The following CDH13 variants were observed in gnomAD, a reference collection of about 807,000 sequenced individuals.
CDH13 encodes the protein cadherin-13.
CDH13 carries 24 observed loss-of-function variants against 63.8 expected under a neutral mutation model. The ratio of observed to expected loss-of-function variants is 0.38; its 90% CI spans 0.27 to 0.53. The LOEUF (loss-of-function observed/expected upper bound fraction) is 0.53, where lower values mean the gene tolerates loss of function less well. Ranked by LOEUF, CDH13 falls within the 20% of genes least tolerant of loss-of-function variation. The probability of loss-of-function intolerance (pLI) is 0.85; values close to 1 mark genes in which losing one functional copy is unlikely to be tolerated. For missense variants in CDH13, 1,049 were observed against 903.1 expected, an observed-to-expected ratio of 1.16 and a Z score of -2.07; for synonymous variants, 503 against 355.3, an observed-to-expected ratio of 1.42 and a Z score of -4.67.
At chr16:83,585,665 C>G (rs762847030) in intron 7 of CDH13, among the ~76,000 whole-genome samples, 6 of 151,440 alleles carry the variant, frequency 4.0e-5, no homozygotes, top group Non-Finnish European at 8.8e-5. Flanking sequence ...GCAGGATATC[C>G]AAGAAGAAGG....
In CDH13 at chr16:83,772,228, T is replaced by G. The variant is rs573951914; in HGVS notation, c.1682-7740T>G. On this transcript the variant is annotated intron_variant, in intron 11 of 13. Coordinates refer to ENST00000567109, the MANE Select transcript of CDH13 (RefSeq NM_001257.5). The stretch of plus-strand genomic sequence containing the variant: ...GAGCCATACTTCAGGAATGGAGAAA[T>G]GAAGAAAAATCTATACTGGCTAAAG... Among the ~76,000 whole-genome samples, 6 of 122,214 alleles carry G rather than the reference T, an allele frequency of 4.9e-5. No individual in the cohort carries two copies. The South Asian group carries it at 1.7e-3, about 34-fold the overall frequency. 80.2% of individuals were successfully genotyped at this position (122,214 alleles called of 152,430 possible).
chr16:83,086,921 G>T (rs1451601114), intron 3 of CDH13, among the ~76,000 whole-genome samples: 1 of 152,076 alleles, frequency 6.6e-6, no homozygotes, highest in Non-Finnish European at 1.5e-5. Context: ...AATTATAATG[G>T]CCAAAACTAC....
chr16:83,280,154 C>G (rs757591929), intron 5 of CDH13, among the ~76,000 whole-genome samples: 4 of 152,162 alleles, frequency 2.6e-5, no homozygotes, highest in Non-Finnish European at 4.4e-5. Flanking sequence ...AAATCTTTCT[C>G]TGTAGCATGT....
chr16:83,001,143 A>G (rs1276493337), intron 2 of CDH13, among the ~76,000 whole-genome samples: 1 of 152,246 alleles, frequency 6.6e-6, no homozygotes, highest in East Asian at 1.9e-4. Context: ...AAGTCCCTTG[A>G]AGAAAAAGAT....
intron 5 of CDH13, among the ~76,000 whole-genome samples, chr16:83,338,534 A>G (rs952959692): frequency 2.6e-5 from 4 of 152,256 alleles, no homozygotes; most frequent in East Asian, 1.9e-4. Flanking sequence ...GTAGACGTAA[A>G]TTGAATTATC....
At chr16:82,633,070 T>G (rs1199401054) in intron 1 of CDH13, among the ~76,000 whole-genome samples, 1 of 152,174 alleles carries the variant, frequency 6.6e-6, no homozygotes, top group Non-Finnish European at 1.5e-5. Context: ...ATGAAGCTTT[T>G]GCTTGCTCAC....
chr16:83,520,116 T>C (rs2074794980), intron 7 of CDH13, among the ~76,000 whole-genome samples: 1 of 152,138 alleles, frequency 6.6e-6, no homozygotes, highest in Non-Finnish European at 1.5e-5. Context: ...AGTCTTGCAA[T>C]GTTTTTCAAA....
chr16:83,590,642 A>G (rs139538779), intron 7 of CDH13, among the ~76,000 whole-genome samples: 3 of 152,362 alleles, frequency 2.0e-5, no homozygotes, highest in Non-Finnish European at 2.9e-5. Flanking sequence ...TTGGAAAACT[A>G]TGATTTTCAT....
At chr16:82,697,983 T>C (rs1309057377) in intron 1 of CDH13, among the ~76,000 whole-genome samples, 4 of 152,098 alleles carry the variant, frequency 2.6e-5, no homozygotes, top group Admixed American at 2.6e-4. Context: ...CTTGAGGATA[T>C]GGCTGCATGT....
intron 5 of CDH13, among the ~76,000 whole-genome samples, chr16:83,249,519 A>G (rs13330436): frequency 7.2e-5 from 11 of 152,296 alleles, no homozygotes; most frequent in African/African-American, 2.2e-4. Flanking sequence ...GATTTATCTC[A>G]TTTAATCCCA....
intron 1 of CDH13, among the ~76,000 whole-genome samples, chr16:82,807,646 T>C (rs1597655056): frequency 6.6e-6 from 1 of 152,330 alleles, no homozygotes; most frequent in East Asian, 1.9e-4. Context: ...GGTTCAGGGA[T>C]AATAACCCTT....
At chr16:83,580,557 T>G (rs1246232873) in intron 7 of CDH13, among the ~76,000 whole-genome samples, 1 of 148,458 alleles carries the variant, frequency 6.7e-6, no homozygotes, top group Non-Finnish European at 1.5e-5. Flanking sequence ...TGCAGTGGTA[T>G]GATCTGAGTT....
chr16:83,649,330 T>G (rs968622827), intron 8 of CDH13, among the ~76,000 whole-genome samples: 1 of 152,232 alleles, frequency 6.6e-6, no homozygotes, highest in Non-Finnish European at 1.5e-5. Context: ...AAATTTACAG[T>G]GCTTATTTTT....
intron 4 of CDH13, among the ~76,000 whole-genome samples, chr16:83,149,633 G>C (rs774125373): frequency 5.9e-5 from 9 of 152,114 alleles, no homozygotes; most frequent in Non-Finnish European, 1.2e-4. Flanking sequence ...AAAACAGTGG[G>C]AATAATGAAG....
chr16:83,171,013 G>C (rs74515971), intron 4 of CDH13, among the ~76,000 whole-genome samples: 17,806 of 151,984 alleles, frequency 0.12, 2,435 homozygotes, highest in African/African-American at 0.33. Flanking sequence ...TTTGAGGGAA[G>C]CTGTATTAGG....
chr16:83,248,902 T>A (rs1905221696), intron 5 of CDH13, among the ~76,000 whole-genome samples: 2 of 152,224 alleles, frequency 1.3e-5, no homozygotes, highest in East Asian at 1.9e-4. Context: ...GATCTTCCCC[T>A]TGGTGCATAT....
intron 7 of CDH13, among the ~76,000 whole-genome samples, chr16:83,544,682 T>C (rs1453813743): frequency 6.6e-6 from 1 of 152,224 alleles, no homozygotes; most frequent in Non-Finnish European, 1.5e-5. Flanking sequence ...ATCACTTTCA[T>C]ACTATTGTGA....
intron 10 of CDH13, among the ~76,000 whole-genome samples, chr16:83,705,431 G>A (rs992286502): frequency 6.6e-6 from 1 of 152,136 alleles, no homozygotes; most frequent in African/African-American, 2.4e-5. Flanking sequence ...GACCATCCTG[G>A]CTAACACGGT....
chr16:83,456,982 C>T (rs1202804000), intron 6 of CDH13, among the ~76,000 whole-genome samples: 3 of 152,014 alleles, frequency 2.0e-5, no homozygotes, highest in Non-Finnish European at 4.4e-5. Context: ...AAGAAAGATC[C>T]CCTAGGGCAT....
Sources: allele counts gnomAD v4.1 joint callset (sites outside exome capture counted in the v4.1 genomes callset), GRCh38; gene constraint gnomAD v4.1.1; transcripts MANE v1.5; gene names NCBI Gene and HGNC (gene_info 2026-07-23, HGNC 2026-07-21).